The following SOX5 variants were observed in gnomAD, a reference collection of about 807,000 sequenced individuals.
SOX5 encodes the protein SRY-box transcription factor 5.
SOX5 carries 9 observed loss-of-function variants against 92.0 expected under a neutral mutation model. The ratio of observed to expected loss-of-function variants is 0.10; its 90% confidence interval spans 0.06 to 0.17. The LOEUF is 0.17. Ranked by LOEUF, SOX5 falls within the 10% of genes least tolerant of loss-of-function variation. SOX5 has a pLI of 1.00. For synonymous variants in SOX5, 344 were observed against 336.3 expected, an observed-to-expected ratio of 1.02 and a Z score of -0.25; for missense variants, 642 against 944.5, an observed-to-expected ratio of 0.68 and a Z score of 4.20.
At chr12:24,386,392 C>T (rs7316074) in intron 1 of SOX5, among the ~76,000 whole-genome samples, 3,682 of 152,128 alleles carry the variant, frequency 0.024, 72 homozygotes, top group East Asian at 0.049. Context: ...TCAAACCAGG[C>T]CCTGTGTATT....
intron 3 of SOX5, among the ~76,000 whole-genome samples, chr12:24,273,173 C>T (rs1479405413): frequency 6.6e-6 from 1 of 152,148 alleles, no homozygotes; most frequent in Non-Finnish European, 1.5e-5. Context: ...GCACAAGAAT[C>T]GCTTGAACCT....
chr12:24,038,188 C>G (rs1171354023), intron 4 of SOX5, among the ~76,000 whole-genome samples: 1 of 152,192 alleles, frequency 6.6e-6, no homozygotes, highest in Admixed American at 6.5e-5. Flanking sequence ...TTTCTTCCAG[C>G]CAGAAACCAT....
chr12:23,531,517 T>C lies in SOX5; in HGVS notation c.*2702A>G, dbSNP rs1939078209. On this transcript the variant is annotated 3_prime_UTR_variant, in exon 15 of 15. Transcript: ENST00000451604. Reference sequence around the variant, plus strand: ...TGAAAACAAAGCATCTTTCATAACATGGTGTAAAGTAAGTATCCAGCAAAC... The same window carrying C: ...TGAAAACAAAGCATCTTTCATAACACGGTGTAAAGTAAGTATCCAGCAAAC... 1 of 144,538 alleles carries C rather than the reference T, an allele frequency of 6.9e-6. No individual in the cohort carries two copies. Among genetic ancestry groups the C allele is most frequent in the East Asian group, 2.2e-4 (1 of 4,486 alleles). 9.0% of individuals were successfully genotyped at this position (144,538 alleles called of 1,614,324 possible). A position where few individuals can be genotyped will look rare whatever the true frequency, so the allele number is the denominator to read the frequency against.
intron 4 of SOX5, among the ~76,000 whole-genome samples, chr12:24,174,117 C>G (rs1318887630): frequency 6.6e-6 from 1 of 152,092 alleles, no homozygotes; most frequent in Non-Finnish European, 1.5e-5. Context: ...CCAGCCTCAG[C>G]CTCCCAGGCA....
At position 23,534,619 on chromosome 12, in the gene SOX5, CTAAGGTACTAATTT is replaced by C. The variant is rs574467309; in HGVS notation, c.1989-111_1989-98del. On this transcript the variant is annotated intron_variant, in intron 14 of 14. Coordinates refer to ENST00000451604, the MANE Select transcript of SOX5 (RefSeq NM_006940.6). The stretch of plus-strand genomic sequence containing the variant: ...TTAATTTGCTCAGCAATGTCCAATT[CTAAGGTACTAATTT>C]TATCTAATTGCCTAACATTTTTCAA... 606 of 916,144 alleles carry C rather than the reference CTAAGGTACTAATTT, an allele frequency of 6.6e-4. 2 individuals are homozygous for C. The African/African-American group carries it at 9.1e-3, about 14-fold the overall frequency. 56.8% of individuals were successfully genotyped at this position (916,144 alleles called of 1,614,324 possible).
chr12:24,471,636 T>G (rs1387474499), intron 1 of SOX5, among the ~76,000 whole-genome samples: 1 of 152,152 alleles, frequency 6.6e-6, no homozygotes, highest in East Asian at 1.9e-4. Flanking sequence ...GGCTGATAAT[T>G]TAAGATGTTT....
chr12:24,196,978 T>C (rs1002652965), intron 4 of SOX5, among the ~76,000 whole-genome samples: 2 of 152,210 alleles, frequency 1.3e-5, no homozygotes, highest in Non-Finnish European at 2.9e-5. Context: ...TTTAGCCTCC[T>C]GAAGTTAAAA....
At chr12:23,556,511 T>A (rs150232998) in intron 11 of SOX5, among the ~76,000 whole-genome samples, 2 of 152,202 alleles carry the variant, frequency 1.3e-5, no homozygotes, top group South Asian at 4.1e-4. Context: ...ATTGGGAACA[T>A]TTTTTAAAAA....
At chr12:23,726,141 G>T (rs2093110231) in intron 6 of SOX5, among the ~76,000 whole-genome samples, 1 of 22,130 alleles carries the variant, frequency 4.5e-5, no homozygotes, top group African/African-American at 1.2e-4. Flanking sequence ...GAGAGAGAGA[G>T]AGAGAGAGAG....
At chr12:24,082,117 C>T (rs541035864) in intron 4 of SOX5, among the ~76,000 whole-genome samples, 1 of 151,978 alleles carries the variant, frequency 6.6e-6, no homozygotes, top group South Asian at 2.1e-4. Flanking sequence ...TGTAACAAAG[C>T]AGAGACTAAA....
At chr12:24,113,799 CT>C (rs2138191705) in intron 4 of SOX5, among the ~76,000 whole-genome samples, 1 of 152,252 alleles carries the variant, frequency 6.6e-6, no homozygotes, top group South Asian at 2.1e-4. Context: ...GCCCTGTTAT[CT>C]GTTATACTTA....
At chr12:23,962,119 G>A (rs2140025809) in intron 4 of SOX5, among the ~76,000 whole-genome samples, 1 of 152,168 alleles carries the variant, frequency 6.6e-6, no homozygotes, top group African/African-American at 2.4e-5. Context: ...AAAAAAGTGT[G>A]ATATTTTATT....
At chr12:23,919,408 A>C (rs12317760) in intron 1 of SOX5, among the ~76,000 whole-genome samples, 6,402 of 152,330 alleles carry the variant, frequency 0.042, 427 homozygotes, top group African/African-American at 0.14. Flanking sequence ...AACAGTAACA[A>C]TACATTCAAT....
rs577701067 is a variant in SOX5 at position 24,337,522 on chromosome 12, TAG to T, written c.-174+31039_-174+31040del. ...TGCCCAGCTAATTTTGTATTTTTAG[TAG>T]AGACAGGGTTTCACCATGTTGGCCA... On this transcript the variant is annotated intron_variant, in intron 2 of 4. Transcript: ENST00000446891. Among the ~76,000 whole-genome samples, 23 of 152,110 alleles carry T rather than the reference TAG, an allele frequency of 1.5e-4. No homozygotes were observed. In the East Asian group the frequency reaches 3.7e-3, roughly 24 times the overall value.
intron 4 of SOX5, among the ~76,000 whole-genome samples, chr12:23,751,323 A>C (rs1461175844): frequency 6.6e-6 from 1 of 151,956 alleles, no homozygotes; most frequent in Non-Finnish European, 1.5e-5. Flanking sequence ...CGTAAACCAC[A>C]TGATTCTTAA....
intron 2 of SOX5, among the ~76,000 whole-genome samples, chr12:24,296,802 G>A (rs571793001): frequency 7.1e-6 from 1 of 140,268 alleles, no homozygotes; most frequent in African/African-American, 2.7e-5. Flanking sequence ...TCTGTAATCG[G>A]CAGATACATT....
In SOX5 at chr12:23,530,791, T is replaced by C. The variant is rs1009218728; in HGVS notation, c.*3428A>G. On this transcript the variant is annotated 3_prime_UTR_variant, in exon 15 of 15. Transcript: ENST00000451604. ...TTCTGGCAAGATTATTTCTCAGTGT[T>C]GGGGCAAGTGTGTGTGTGTGTGTGT... The C allele has an allele frequency of 2.0e-4, 6 of 30,518 alleles. No homozygotes were observed. The highest frequency in any genetic ancestry group is 4.7e-4 in the African/African-American group (6 of 12,748). 1.9% of individuals were successfully genotyped at this position (30,518 alleles called of 1,614,324 possible).
chr12:24,095,905 C>T (rs1181412289), intron 4 of SOX5, among the ~76,000 whole-genome samples: 1 of 152,146 alleles, frequency 6.6e-6, no homozygotes, highest in African/African-American at 2.4e-5. Flanking sequence ...GAGGCCTCCT[C>T]AGCCATGCTG....
rs868268756 is a variant in SOX5, at chr12:23,727,900, A to G, written c.810+6784T>C. On this transcript the variant is annotated intron_variant, in intron 6 of 14. Coordinates refer to ENST00000451604, the MANE Select transcript of SOX5 (RefSeq NM_006940.6). ...TAGCCATGTAGCACGTGTTGTATCAATGAAGATGAAAATATATACACCTGT... is the reference window on the plus strand; with the variant it reads ...TAGCCATGTAGCACGTGTTGTATCAGTGAAGATGAAAATATATACACCTGT... 2.6e-5 allele frequency among the ~76,000 whole-genome samples: 4 copies of G among 152,186 alleles called. No individual in the cohort carries two copies. The South Asian group carries it at 6.2e-4, about 24-fold the overall frequency.
Sources: gnomAD v4.1 joint callset for allele counts (sites outside exome capture counted in the v4.1 genomes callset) on GRCh38, gnomAD v4.1.1 for gene constraint, MANE v1.5 for transcripts, NCBI Gene and HGNC (gene_info 2026-07-23, HGNC 2026-07-21) for gene names.